SHISA9: variants seen among roughly 807,000 people sequenced by gnomAD.
The protein encoded by SHISA9 is shisa family member 9.
A neutral mutation model predicts 38.0 loss-of-function variants in SHISA9; 13 were observed. The ratio of observed to expected loss-of-function variants is 0.34; its 90% confidence interval spans 0.22 to 0.54. The LOEUF is 0.54. Among genes scored for constraint, SHISA9 ranks in the 20% least tolerant of loss-of-function variants. SHISA9 has a pLI of 0.91. For synonymous variants in SHISA9, 275 were observed against 242.0 expected (o/e 1.14, Z -1.27); for missense variants, 538 against 575.8 (o/e 0.93, Z 0.67).
At chr16:13,509,214 T>C in the SHISA9 span, among the ~76,000 whole-genome samples, 1 of 152,028 alleles carries the variant, frequency 6.6e-6, no homozygotes, top group Non-Finnish European at 1.5e-5. Context: ...GGTAGAATCT[T>C]CTTGAATAAT....
In SHISA9 at chr16:12,987,776, G is replaced by C. The variant is rs1374923153; in HGVS notation, c.691+70961G>C. 2.0e-5 allele frequency among the ~76,000 whole-genome samples: 3 copies of C among 152,170 alleles called. No individual in the cohort carries two copies. In the East Asian group the frequency reaches 5.8e-4, roughly 29 times the overall value. ...AAAAAAGAAAAAGAAAAAGCAATTA[G>C]AGCTGCCATTTTGTTGAGTACTGGC... On this transcript the variant is annotated intron_variant, in intron 2 of 4. Coordinates refer to ENST00000558583, the MANE Select transcript of SHISA9 (RefSeq NM_001145204.3).
At chr16:13,113,201 C>A (rs528957582) in intron 2 of SHISA9, among the ~76,000 whole-genome samples, 1 of 128,632 alleles carries the variant, frequency 7.8e-6, no homozygotes, top group Admixed American at 8.1e-5. Context: ...CAGAATGAGA[C>A]TCCATCTCAA....
intron 2 of SHISA9, among the ~76,000 whole-genome samples, chr16:13,137,524 C>T (rs1273024057): frequency 6.7e-6 from 1 of 148,372 alleles, no homozygotes; most frequent in Non-Finnish European, 1.5e-5. Context: ...GGTGAGATCT[C>T]GGCTCACTGC....
chr16:13,169,539 T>C (rs1323750942), intron 2 of SHISA9, among the ~76,000 whole-genome samples: 5 of 152,224 alleles, frequency 3.3e-5, no homozygotes, highest in African/African-American at 1.2e-4. Flanking sequence ...TAAAGAATCC[T>C]TAATGTGAAT....
chr16:12,990,384 G>C (rs555977892), intron 2 of SHISA9, among the ~76,000 whole-genome samples: 5 of 152,262 alleles, frequency 3.3e-5, no homozygotes, highest in African/African-American at 9.6e-5. Context: ...GGTTGAACAA[G>C]TTTACACTCC....
At chr16:13,296,896 A>AAC in the SHISA9 span, among the ~76,000 whole-genome samples, 1 of 141,460 alleles carries the variant, frequency 7.1e-6, no homozygotes, top group Admixed American at 6.9e-5. Flanking sequence ...CATCTCAAAA[A>AAC]AAAAAAAAAA....
chr16:13,450,527 A>G, the SHISA9 span, among the ~76,000 whole-genome samples: 1 of 152,266 alleles, frequency 6.6e-6, no homozygotes, highest in Non-Finnish European at 1.5e-5. Context: ...ACTGCTGTGT[A>G]GAACTTGCTG....
chr16:13,103,093 C>G (rs1241785928), intron 2 of SHISA9, among the ~76,000 whole-genome samples: 2 of 152,164 alleles, frequency 1.3e-5, no homozygotes, highest in Non-Finnish European at 2.9e-5. Flanking sequence ...TCATTTATAA[C>G]TTGAGGAAAC....
chr16:13,029,314 ATG>A (rs1459840326), intron 2 of SHISA9, among the ~76,000 whole-genome samples: 1 of 152,206 alleles, frequency 6.6e-6, no homozygotes, highest in African/African-American at 2.4e-5. Flanking sequence ...CATAAAAAGA[ATG>A]AGATCTTGGC....
At chr16:13,248,059 G>C in the SHISA9 span, among the ~76,000 whole-genome samples, 3 of 152,188 alleles carry the variant, frequency 2.0e-5, no homozygotes, top group Admixed American at 6.5e-5. Flanking sequence ...AATTCTACAA[G>C]TTAGGTGTCT....
At chr16:13,334,171 A>G in the SHISA9 span, among the ~76,000 whole-genome samples, 2 of 152,184 alleles carry the variant, frequency 1.3e-5, no homozygotes, top group Non-Finnish European at 2.9e-5. Flanking sequence ...GGGGCAGACA[A>G]TCATCACTAC....
At chr16:13,502,530 A>G in the SHISA9 span, among the ~76,000 whole-genome samples, 21 of 152,168 alleles carry the variant, frequency 1.4e-4, no homozygotes, top group Admixed American at 2.6e-4. Flanking sequence ...CAAAATATCC[A>G]TTGTTTAAAA....
intron 2 of SHISA9, among the ~76,000 whole-genome samples, chr16:13,076,112 C>T (rs977616823): frequency 6.6e-6 from 1 of 150,948 alleles, no homozygotes; most frequent in African/African-American, 2.4e-5. Context: ...CTTGCTGCAA[C>T]CTCCACCTCC....
the SHISA9 span, among the ~76,000 whole-genome samples, chr16:13,562,059 A>G: frequency 1.1e-4 from 16 of 152,116 alleles, 2 homozygotes; most frequent in Non-Finnish European, 7.4e-5. Flanking sequence ...TTTTCTCCAC[A>G]TTGAGGGGAA....
At chr16:13,101,855 C>A (rs2073882108) in intron 2 of SHISA9, among the ~76,000 whole-genome samples, 1 of 152,148 alleles carries the variant, frequency 6.6e-6, no homozygotes, top group African/African-American at 2.4e-5. Flanking sequence ...AATTATTATT[C>A]ATCAATTAAA....
the SHISA9 span, among the ~76,000 whole-genome samples, chr16:13,394,931 GTGT>G: frequency 5.4e-4 from 55 of 102,498 alleles, no homozygotes; most frequent in Middle Eastern, 5.1e-3. Flanking sequence ...TATCTGGGGT[GTGT>G]GTGTGTGTGT....
the SHISA9 span, among the ~76,000 whole-genome samples, chr16:13,449,960 C>CA: frequency 1.3e-4 from 20 of 151,664 alleles, no homozygotes; most frequent in Admixed American, 2.6e-4. Context: ...ACTAAAAATA[C>CA]AAAAAAAATA....
the SHISA9 span, among the ~76,000 whole-genome samples, chr16:13,536,191 G>T: frequency 6.6e-6 from 1 of 152,028 alleles, no homozygotes; most frequent in Non-Finnish European, 1.5e-5. Flanking sequence ...TAGAGATGGG[G>T]TTTCACTATG....
chr16:13,363,126 C>T, the SHISA9 span, among the ~76,000 whole-genome samples: 2 of 152,166 alleles, frequency 1.3e-5, no homozygotes, highest in Non-Finnish European at 2.9e-5. Flanking sequence ...GGATTTGGCC[C>T]TTCAAGGGAC....
Sources: allele counts gnomAD v4.1 joint callset (sites outside exome capture counted in the v4.1 genomes callset), GRCh38; gene constraint gnomAD v4.1.1; transcripts MANE v1.5; gene names NCBI Gene and HGNC (gene_info 2026-07-23, HGNC 2026-07-21).